Variants in GSG1L observed in about 807,000 individuals in gnomAD.
The protein encoded by GSG1L is germ cell-specific gene 1-like protein.
A neutral mutation model predicts 42.1 loss-of-function variants in GSG1L; 24 were observed. The observed-to-expected ratio is 0.57, with a 90% CI of 0.41 to 0.80. The LOEUF (loss-of-function observed/expected upper bound fraction) is 0.80, where lower values mean the gene tolerates loss of function less well. GSG1L is among the 30% of genes least tolerant of loss of function. GSG1L has a pLI of 0.00. For missense variants in GSG1L, 445 were observed against 472.2 expected, an observed-to-expected ratio of 0.94 and a Z score of 0.53; for synonymous variants, 215 against 203.5, an observed-to-expected ratio of 1.06 and a Z score of -0.48.
intron 6 of GSG1L, 24 bp from the exon 7 acceptor site, chr16:27,791,491 T>G: frequency 7.0e-7 from 1 of 1,435,174 alleles, no homozygotes; most frequent in Non-Finnish European, 9.2e-7. Context: ...AGGCGGTCAG[T>G]GCTGAAAGCC....
intron 1 of GSG1L, among the ~76,000 whole-genome samples, chr16:27,986,827 T>G (rs943888573): frequency 6.6e-6 from 1 of 152,258 alleles, no homozygotes; most frequent in Non-Finnish European, 1.5e-5. Flanking sequence ...GAAATTGCAA[T>G]TCCTTCGTTG....
chr16:27,915,636 A>G (rs1026194408), intron 2 of GSG1L, among the ~76,000 whole-genome samples: 6 of 152,200 alleles, frequency 3.9e-5, no homozygotes, highest in African/African-American at 1.4e-4. Flanking sequence ...AGGAGATTGA[A>G]AATAAACAAG....
At chr16:27,981,193 T>C (rs548383321) in intron 1 of GSG1L, among the ~76,000 whole-genome samples, 9 of 152,204 alleles carry the variant, frequency 5.9e-5, no homozygotes, top group Non-Finnish European at 1.3e-4. Context: ...GACTCAAATC[T>C]GGCTGGTTCA....
Position 28,063,505 on chromosome 16 carries a change from G to A in GSG1L, c.-81C>T. On this transcript the variant is annotated 5_prime_UTR_variant, in exon 1 of 7. Coordinates refer to ENST00000447459, the MANE Select transcript of GSG1L (RefSeq NM_001109763.2). The surrounding 1 kb of genome is among the most constrained non-coding windows in gnomAD (Gnocchi z 5.8). ...TGGCAGCTGGCGCCCCGCGTCAGCG[G>A]CCGCTGCCCGCCGCGCCCCGGGGCT... The A allele has an allele frequency of 2.3e-6, 2 of 872,892 alleles. No individual in the cohort carries two copies. Among genetic ancestry groups the A allele is most frequent in the South Asian group, 5.4e-5 (1 of 18,614 alleles). The allele number at this position is 872,892 out of a possible 1,614,324, so 54.1% of individuals were successfully genotyped here. A position where few individuals can be genotyped will look rare whatever the true frequency, so the allele number is the denominator to read the frequency against.
At chr16:27,929,482 C>A (rs768469004) in intron 2 of GSG1L, among the ~76,000 whole-genome samples, 3 of 152,182 alleles carry the variant, frequency 2.0e-5, no homozygotes, top group Non-Finnish European at 4.4e-5. Context: ...TCTCTTCCCT[C>A]TGGGACTGCT....
intron 1 of GSG1L, among the ~76,000 whole-genome samples, chr16:28,038,286 T>TC (rs11380657): frequency 1.3e-4 from 20 of 151,696 alleles, no homozygotes; most frequent in South Asian, 4.2e-4. Flanking sequence ...TAGAATTTGA[T>TC]CCCCCCCCAA....
intron 1 of GSG1L, among the ~76,000 whole-genome samples, chr16:28,025,642 G>A (rs554596225): frequency 6.4e-4 from 98 of 152,340 alleles, no homozygotes; most frequent in African/African-American, 2.2e-3. Context: ...GGCTTTCAAT[G>A]TATGTCAGAT....
At chr16:27,892,026 C>T (rs1428933551) in intron 2 of GSG1L, among the ~76,000 whole-genome samples, 4 of 151,364 alleles carry the variant, frequency 2.6e-5, no homozygotes, top group Non-Finnish European at 2.9e-5. Flanking sequence ...GCAAATTCTC[C>T]GGCCCCAGCC....
chr16:27,896,704 A>G (rs1211273467), intron 2 of GSG1L, among the ~76,000 whole-genome samples: 2 of 152,222 alleles, frequency 1.3e-5, no homozygotes, highest in Non-Finnish European at 2.9e-5. Flanking sequence ...GGTCAGAGAC[A>G]GAGAAGGAGA....
At position 27,791,402 on chromosome 16, in the gene GSG1L, G is replaced by A. The variant is rs1224368882; in HGVS notation, c.964C>T (p.Arg322Ter). 9.2e-6 allele frequency: 14 copies of A among 1,516,296 alleles called. No individual in the cohort carries two copies. Among genetic ancestry groups the A allele is most frequent in the South Asian group, 1.3e-5 (1 of 77,640 alleles). The allele number at this position is 1,516,296 out of a possible 1,614,324, so 93.9% of individuals were successfully genotyped here. Residue 322 changes from arginine to a stop codon, truncating the protein, a stop_gained, in exon 7 of 7, where the codon CGA becomes TGA. Transcript: ENST00000447459. LOFTEE classifies it high-confidence loss of function. ...SSAQEAPELN[R>*]QCWVLGHWV is the part of the protein sequence containing the mutation. ...CAGTGCCCCAAGACCCAGCACTGTCGGTTCAGCTCTGGTGCTTCCTGTGCG... is the reference window on the plus strand; with the variant it reads ...CAGTGCCCCAAGACCCAGCACTGTCAGTTCAGCTCTGGTGCTTCCTGTGCG...
At chr16:27,989,566 C>T (rs1289778649) in intron 1 of GSG1L, among the ~76,000 whole-genome samples, 2 of 151,978 alleles carry the variant, frequency 1.3e-5, no homozygotes, top group Admixed American at 1.3e-4. Flanking sequence ...ATGGTGAAAC[C>T]CTGCCTCTGC....
chr16:27,806,569 C>T (rs976517580), intron 6 of GSG1L, among the ~76,000 whole-genome samples: 6 of 152,168 alleles, frequency 3.9e-5, no homozygotes, highest in Non-Finnish European at 7.3e-5. Flanking sequence ...TCAGGGGGAT[C>T]CCACTCCAGG....
intron 2 of GSG1L, among the ~76,000 whole-genome samples, chr16:27,935,717 A>G (rs1030213): frequency 0.22 from 32,792 of 151,286 alleles, 3,607 homozygotes; most frequent in Non-Finnish European, 0.25. Flanking sequence ...GGTGTGTTGC[A>G]ACCCAGCCCT....
intron 3 of GSG1L, among the ~76,000 whole-genome samples, chr16:27,876,966 T>C (rs952002078): frequency 2.6e-5 from 4 of 152,232 alleles, no homozygotes; most frequent in African/African-American, 9.7e-5. Flanking sequence ...GCCAGTGCTG[T>C]TTTTCCTGAA....
chr16:28,037,273 G>A (rs540219432), intron 1 of GSG1L, among the ~76,000 whole-genome samples: 2 of 152,324 alleles, frequency 1.3e-5, no homozygotes, highest in Admixed American at 1.3e-4. Flanking sequence ...TGATCCACCC[G>A]CCTCGGCCCC....
intron 3 of GSG1L, among the ~76,000 whole-genome samples, chr16:27,862,121 C>G (rs1479503797): frequency 6.6e-6 from 1 of 152,148 alleles, no homozygotes; most frequent in Non-Finnish European, 1.5e-5. Context: ...AATTCTTTCC[C>G]CTTAATTGCA....
intron 1 of GSG1L, among the ~76,000 whole-genome samples, chr16:28,000,697 C>G (rs561309731): frequency 5.1e-4 from 78 of 152,272 alleles, no homozygotes; most frequent in African/African-American, 1.7e-3. Flanking sequence ...CAGACACTCT[C>G]AGAGTGTCAT....
At chr16:27,855,584 G>A (rs937733050) in intron 3 of GSG1L, among the ~76,000 whole-genome samples, 4 of 151,976 alleles carry the variant, frequency 2.6e-5, no homozygotes, top group Admixed American at 2.6e-4. Context: ...GCCAGGTGTG[G>A]TAGCCGGTGC....
At chr16:27,971,665 A>G (rs1340441087) in intron 1 of GSG1L, among the ~76,000 whole-genome samples, 4 of 152,288 alleles carry the variant, frequency 2.6e-5, no homozygotes, top group Middle Eastern at 3.4e-3. Context: ...TTTGGCTAAA[A>G]TGTCCAATAT....
Sources: allele counts gnomAD v4.1 joint callset (sites outside exome capture counted in the v4.1 genomes callset), GRCh38; gene constraint gnomAD v4.1.1; non-coding constraint Gnocchi (gnomAD v3.1); transcripts MANE v1.5; gene names NCBI Gene and HGNC (gene_info 2026-07-23, HGNC 2026-07-21).